The following LYPD6B variants were observed in gnomAD, a reference collection of about 807,000 sequenced individuals.
LYPD6B encodes the protein ly6/PLAUR domain-containing protein 6B.
A neutral mutation model predicts 22.8 loss-of-function variants in LYPD6B; 17 were observed. The ratio of observed to expected loss-of-function variants is 0.75; its 90% CI spans 0.51 to 1.12. The LOEUF (loss-of-function observed/expected upper bound fraction) is 1.12, where lower values mean the gene tolerates loss of function less well. Among genes scored for constraint, LYPD6B ranks in the 50% most tolerant of loss-of-function variants. The pLI, the probability that LYPD6B is intolerant of heterozygous loss-of-function variation, is 0.00. For missense variants in LYPD6B, 221 were observed against 258.3 expected (o/e 0.86, Z 0.99); for synonymous variants, 106 against 91.6 (o/e 1.16, Z -0.90).
At chr2:149,077,749 C>A (rs189393090) in intron 1 of LYPD6B, among the ~76,000 whole-genome samples, 31 of 152,194 alleles carry the variant, frequency 2.0e-4, no homozygotes, top group Admixed American at 3.9e-4. Flanking sequence ...AGTGAGCCAG[C>A]TCTGATTCTC....
At chr2:149,204,082 C>T (rs1411753503) in intron 3 of LYPD6B, among the ~76,000 whole-genome samples, 1 of 152,212 alleles carries the variant, frequency 6.6e-6, no homozygotes, top group Non-Finnish European at 1.5e-5. Flanking sequence ...TTATTGAACT[C>T]TAGTATTCCA....
At chr2:149,070,380 T>C (rs1357069603) in intron 1 of LYPD6B, among the ~76,000 whole-genome samples, 1 of 152,206 alleles carries the variant, frequency 6.6e-6, no homozygotes, top group African/African-American at 2.4e-5. Flanking sequence ...GGATTTCATA[T>C]TCTGCTTCTT....
At chr2:149,182,763 T>C (rs1691829922) in intron 3 of LYPD6B, among the ~76,000 whole-genome samples, 1 of 152,204 alleles carries the variant, frequency 6.6e-6, no homozygotes, top group South Asian at 2.1e-4. Flanking sequence ...AGGGGCTGCT[T>C]CAGAAATAGC....
chr2:149,174,796 T>G (rs1691141554), intron 3 of LYPD6B, among the ~76,000 whole-genome samples: 3 of 141,652 alleles, frequency 2.1e-5, no homozygotes, highest in East Asian at 2.3e-4. Context: ...GTTGGGGGGG[T>G]GGGAGGAGGG....
intron 1 of LYPD6B, among the ~76,000 whole-genome samples, chr2:149,058,068 C>A (rs1173137324): frequency 6.6e-6 from 1 of 152,226 alleles, no homozygotes; most frequent in Admixed American, 6.5e-5. Context: ...AACCTGAGTT[C>A]TGTTCTTGGT....
chr2:149,129,956 T>C (rs1019002367), intron 1 of LYPD6B, among the ~76,000 whole-genome samples: 1 of 152,230 alleles, frequency 6.6e-6, no homozygotes, highest in Non-Finnish European at 1.5e-5. Flanking sequence ...GGACTTCTGC[T>C]TCCACTTCAT....
intron 1 of LYPD6B, among the ~76,000 whole-genome samples, chr2:149,124,228 A>G (rs1316404531): frequency 1.3e-5 from 2 of 152,132 alleles, no homozygotes; most frequent in Non-Finnish European, 2.9e-5. Context: ...TATAAATACA[A>G]CACTTCTTGG....
intron 1 of LYPD6B, among the ~76,000 whole-genome samples, chr2:149,076,198 T>C (rs1684872607): frequency 6.6e-6 from 1 of 152,186 alleles, no homozygotes; most frequent in Non-Finnish European, 1.5e-5. Context: ...CTTACTAGCT[T>C]TCCTGCAGCC....
At chr2:149,196,445 G>A (rs1448094769) in intron 3 of LYPD6B, among the ~76,000 whole-genome samples, 1 of 152,228 alleles carries the variant, frequency 6.6e-6, no homozygotes, top group African/African-American at 2.4e-5. Context: ...ATTTCTAGAT[G>A]TGGATTCAAG....
intron 2 of LYPD6B, among the ~76,000 whole-genome samples, chr2:149,143,495 A>T (rs2105782825): frequency 7.1e-6 from 1 of 141,026 alleles, no homozygotes; most frequent in South Asian, 2.5e-4. Flanking sequence ...TTGTGTTCTA[A>T]CATTGCAACA....
intron 1 of LYPD6B, 27 bp from the exon 2 acceptor site, chr2:149,130,856 G>C: frequency 1.1e-6 from 1 of 939,520 alleles, no homozygotes; most frequent in South Asian, 1.3e-5. Context: ...CAGTCATAAT[G>C]ATACCTTTTC....
intron 3 of LYPD6B, among the ~76,000 whole-genome samples, chr2:149,165,651 C>T (rs1007836700): frequency 1.3e-5 from 2 of 152,036 alleles, no homozygotes; most frequent in African/African-American, 4.8e-5. Context: ...TATTTTTATC[C>T]CTAACTTATA....
intron 2 of LYPD6B, among the ~76,000 whole-genome samples, chr2:149,134,122 G>A (rs928494800): frequency 7.2e-5 from 11 of 152,106 alleles, no homozygotes; most frequent in African/African-American, 2.7e-4. Context: ...GACGTACAGC[G>A]GAGACCTGAA....
At chr2:149,163,969 TAAGA>T (rs899404719) in intron 3 of LYPD6B, among the ~76,000 whole-genome samples, 1 of 152,140 alleles carries the variant, frequency 6.6e-6, no homozygotes, top group African/African-American at 2.4e-5. Flanking sequence ...ATTCTCTTCG[TAAGA>T]GAGAGAGGAG....
At chr2:149,080,434 G>A (rs1251746796) in intron 1 of LYPD6B, among the ~76,000 whole-genome samples, 2 of 152,176 alleles carry the variant, frequency 1.3e-5, no homozygotes, top group African/African-American at 2.4e-5. Flanking sequence ...ATTTTGTGGG[G>A]GGAGCACAAT....
At chr2:149,197,229 T>G (rs1048435940) in intron 3 of LYPD6B, among the ~76,000 whole-genome samples, 1 of 152,052 alleles carries the variant, frequency 6.6e-6, no homozygotes, top group Non-Finnish European at 1.5e-5. Context: ...AAAGAAATGG[T>G]CAGGCTAGAC....
chr2:149,088,090 G>A (rs1422560939), intron 1 of LYPD6B, among the ~76,000 whole-genome samples: 1 of 102,226 alleles, frequency 9.8e-6, no homozygotes, highest in Non-Finnish European at 2.2e-5. Context: ...ACCCCCTCCT[G>A]TTGCTCCCCC....
At chr2:149,163,362 G>C (rs114839808) in intron 3 of LYPD6B, among the ~76,000 whole-genome samples, 2 of 151,954 alleles carry the variant, frequency 1.3e-5, no homozygotes, top group African/African-American at 4.8e-5. Flanking sequence ...TGCCATTCCC[G>C]CCTCTGCACC....
intron 1 of LYPD6B, among the ~76,000 whole-genome samples, chr2:149,081,341 G>A (rs1272761092): frequency 6.6e-6 from 1 of 152,142 alleles, no homozygotes; most frequent in African/African-American, 2.4e-5. Context: ...ATGATTTTAG[G>A]TAATACCACC....
Sources: gnomAD v4.1 joint callset for allele counts (sites outside exome capture counted in the v4.1 genomes callset) on GRCh38, gnomAD v4.1.1 for gene constraint, MANE v1.5 for transcripts, NCBI Gene and HGNC (gene_info 2026-07-23, HGNC 2026-07-21) for gene names.